CACNA1I: variants seen among roughly 807,000 people sequenced by gnomAD.
CACNA1I encodes the protein voltage-dependent T-type calcium channel subunit alpha-1I.
Under a neutral mutation model 201.6 loss-of-function variants are expected in CACNA1I, and 74 were observed. The observed-to-expected ratio is 0.37, with a 90% CI of 0.30 to 0.45. CACNA1I has a LOEUF of 0.45. Among genes scored for constraint, CACNA1I ranks in the 20% least tolerant of loss-of-function variants. The pLI, the probability that CACNA1I is intolerant of heterozygous loss-of-function variation, is 1.00. For synonymous variants in CACNA1I, 1,431 were observed against 1,345.2 expected (o/e 1.06, Z -1.40); for missense variants, 2,346 against 3,138.1 (o/e 0.75, Z 6.03).
intron 1 of CACNA1I, among the ~76,000 whole-genome samples, chr22:39,571,406 G>GGCAGGA (rs78645897): frequency 0.26 from 40,208 of 151,946 alleles, 6,765 homozygotes; most frequent in East Asian, 0.72. Flanking sequence ...CAACACACAG[G>GGCAGGA]GCAGGACTCA....
chr22:39,640,845 AC>A (rs1164530126), intron 5 of CACNA1I, 21 bp from the exon 6 acceptor site: 1 of 1,587,644 alleles, frequency 6.3e-7, no homozygotes, highest in Non-Finnish European at 8.6e-7. Context: ...TCCCTCTTTT[AC>A]CCACCCTCGC....
In CACNA1I at chr22:39,659,419, C is replaced by T; in HGVS notation, c.2331-14C>T. ...GCATGTGAGTCCGATGAGCCTCTTCCATCCTTTCCCCAGCATCCTTGGGAT... is the reference window on the plus strand; with the variant it reads ...GCATGTGAGTCCGATGAGCCTCTTCTATCCTTTCCCCAGCATCCTTGGGAT... On this transcript the variant is annotated splice_polypyrimidine_tract_variant and intron_variant, in intron 12 of 36. Transcript: ENST00000402142. The surrounding 1 kb of genome is among the most constrained non-coding windows in gnomAD (Gnocchi z 4.3). The T allele has an allele frequency of 6.6e-7, 1 of 1,516,110 alleles. No homozygotes were observed. The highest frequency in any genetic ancestry group is 1.2e-5 in the South Asian group (1 of 83,646). The allele number at this position is 1,516,110 out of a possible 1,614,324, so 93.9% of individuals were successfully genotyped here. A position where few individuals can be genotyped will look rare whatever the true frequency, so the allele number is the denominator to read the frequency against.
At chr22:39,672,696 C>T (rs947127510) in intron 27 of CACNA1I, among the ~76,000 whole-genome samples, 1 of 152,168 alleles carries the variant, frequency 6.6e-6, no homozygotes, top group African/African-American at 2.4e-5. Context: ...GTCCATGCCT[C>T]CTCTCCTGCA....
In CACNA1I at chr22:39,664,084, C is replaced by T; in HGVS notation, c.3598-7C>T. On this transcript the variant is annotated splice_polypyrimidine_tract_variant and splice_region_variant and intron_variant, in intron 19 of 36. Transcript: ENST00000402142. ...CCTGAGCCTATGGTATCTCCCGATGCTTTCAGGAACGCATCTTTCTCACCG... is the reference window on the plus strand; with the variant it reads ...CCTGAGCCTATGGTATCTCCCGATGTTTTCAGGAACGCATCTTTCTCACCG... The T allele has an allele frequency of 6.2e-7, 1 of 1,613,314 alleles. No individual in the cohort carries two copies. Among genetic ancestry groups the T allele is most frequent in the South Asian group, 1.1e-5 (1 of 90,992 alleles).
rs1555906963 is a variant in CACNA1I at position 39,629,532 on chromosome 22, C to CCAGGCAG, written c.581-5033_581-5032insCAGGCAG. 4.0e-5 allele frequency among the ~76,000 whole-genome samples: 6 copies of CCAGGCAG among 150,976 alleles called. No individual in the cohort carries two copies. In the East Asian group the frequency reaches 8.0e-4, roughly 20 times the overall value. On this transcript the variant is annotated intron_variant, in intron 4 of 36. Transcript: ENST00000402142. The surrounding 1 kb of genome is among the most constrained non-coding windows in gnomAD (Gnocchi z 4.8). ...GTTTATCACAATGATGAATGTATGA[C>CCAGGCAG]GGCCAGGCAGGGCCAGGCAGGACGG...
chr22:39,662,729 A>G (rs1482438796), intron 17 of CACNA1I, 47 bp from the exon 18 acceptor site: 1 of 1,355,946 alleles, frequency 7.4e-7, no homozygotes, highest in South Asian at 1.2e-5. Context: ...GGAGACCGGC[A>G]ACCCTGCGCA....
At chr22:39,655,892 G>A (rs1934801012) in intron 10 of CACNA1I, among the ~76,000 whole-genome samples, 2 of 152,208 alleles carry the variant, frequency 1.3e-5, no homozygotes, top group African/African-American at 4.8e-5. Flanking sequence ...GATGGCAGTG[G>A]CTCCCTGCAT....
Position 39,659,536 on chromosome 22 carries a change from G to A in CACNA1I, c.2434G>A (p.Val812Ile), listed in dbSNP as rs748634146. The change falls in exon 13 of 37, where the codon GTC becomes ATC. Residue 812 changes from valine to isoleucine, a missense_variant. Val to Ile is a conservative substitution (Grantham distance 29). This residue lies in a region of CACNA1I where 155 missense variants were observed against 300.8 expected (regional missense o/e 0.52). Coordinates refer to ENST00000402142, the MANE Select transcript of CACNA1I (RefSeq NM_021096.4). The surrounding 1 kb of genome is among the most constrained non-coding windows in gnomAD (Gnocchi z 4.3). Reference protein sequence around the residue: ...KNFDSLLWAIVTVFQILTQED... With the variant: ...KNFDSLLWAIITVFQILTQED... ...CTTCGACTCCCTGCTGTGGGCCATC[G>A]TCACTGTGTTCCAGGTGAGTGGCCG... is the stretch of plus-strand genomic sequence containing the variant. 34 of 1,605,676 alleles carry A rather than the reference G, an allele frequency of 2.1e-5. No individual in the cohort carries two copies. The highest frequency in any genetic ancestry group is 3.3e-5 in the South Asian group (3 of 90,158).
At chr22:39,622,945 G>GGCACCGCCACCTTCCAGAGGTGTGT (rs1933790649) in intron 4 of CACNA1I, among the ~76,000 whole-genome samples, 1 of 152,234 alleles carries the variant, frequency 6.6e-6, no homozygotes, top group African/African-American at 2.4e-5. Flanking sequence ...GGAGCCCACA[G>GGCACCGCCACCTTCCAGAGGTGTGT]GCACCGCCAC....
rs1839584366 is a variant in CACNA1I at position 39,662,635 on chromosome 22, G to A, written c.3373-141G>A. Reference sequence around the variant, plus strand: ...ACCTGAGCTGGGCCGGCTCCTGGGAGAGAAGCCCTCCCTGGCTGCCCCCGG... The same window carrying A: ...ACCTGAGCTGGGCCGGCTCCTGGGAAAGAAGCCCTCCCTGGCTGCCCCCGG... On this transcript the variant is annotated intron_variant, in intron 17 of 36. Coordinates refer to ENST00000402142, the MANE Select transcript of CACNA1I (RefSeq NM_021096.4). The A allele has an allele frequency of 1.8e-5, 13 of 717,240 alleles. No homozygotes were observed. The South Asian group carries it at 2.2e-4, about 12-fold the overall frequency. 44.4% of individuals were successfully genotyped at this position (717,240 alleles called of 1,614,324 possible). A position where few individuals can be genotyped will look rare whatever the true frequency, so the allele number is the denominator to read the frequency against.
intron 1 of CACNA1I, among the ~76,000 whole-genome samples, chr22:39,592,986 T>C (rs992936206): frequency 2.0e-5 from 3 of 152,216 alleles, no homozygotes; most frequent in African/African-American, 4.8e-5. Context: ...TGGCCTGACT[T>C]CTAAGCCTCC....
In CACNA1I at chr22:39,659,184, G is replaced by A; in HGVS notation, c.2330+68G>A. 5.1e-6 allele frequency: 8 copies of A among 1,572,776 alleles called. No homozygotes were observed. Among genetic ancestry groups the A allele is most frequent in the South Asian group, 1.1e-5 (1 of 87,546 alleles). On this transcript the variant is annotated intron_variant, in intron 12 of 36. Transcript: ENST00000402142. The surrounding 1 kb of genome is among the most constrained non-coding windows in gnomAD (Gnocchi z 4.3). ...GGCTGTGGGCGGGAGCCTGGGGGAT[G>A]TGGTCCACTGTGCTTCTCTGGACAA... is the stretch of plus-strand genomic sequence containing the variant.
chr22:39,685,913 C>G lies in CACNA1I; in HGVS notation c.6180C>G (p.Ser2060=). The change falls in exon 37 of 37, where the codon TCC becomes TCG. Residue 2060 remains serine, a synonymous_variant. Transcript: ENST00000402142. This position sits in a 1 kb window ranked among gnomAD's most constrained non-coding sequence, Gnocchi z 5.0. ...CTCCAGGACCCCGGGCCGGCCTGTC[C>G]CCCGCCGCTCGCCGCCGCCTGAGCC... is the stretch of plus-strand genomic sequence containing the variant. ...APAPGPRAGL[S]PAARRRLSLR... 7.5e-7 allele frequency: 1 copy of G among 1,327,622 alleles called. No homozygotes were observed. Among genetic ancestry groups the G allele is most frequent in the Non-Finnish European group, 9.5e-7 (1 of 1,049,516 alleles). 82.2% of individuals were successfully genotyped at this position (1,327,622 alleles called of 1,614,324 possible). A position where few individuals can be genotyped will look rare whatever the true frequency, so the allele number is the denominator to read the frequency against.
At chr22:39,572,037 G>A (rs1323718982) in intron 1 of CACNA1I, among the ~76,000 whole-genome samples, 1 of 152,216 alleles carries the variant, frequency 6.6e-6, no homozygotes, top group Non-Finnish European at 1.5e-5. Flanking sequence ...GGGAGGAGTT[G>A]CAGGCAGTGT....
At position 39,574,558 on chromosome 22, in the gene CACNA1I, G is replaced by T. The variant is rs115010445; in HGVS notation, c.236+3570G>T. 8.9e-4 allele frequency among the ~76,000 whole-genome samples: 136 copies of T among 152,280 alleles called. 1 individual carries two copies. Among genetic ancestry groups the T allele is most frequent in the African/African-American group, 3.2e-3 (134 of 41,558 alleles). ...GAAACTTCACTCCCTCTTGTGCTCT[G>T]TGGGAGGGGGCCTGGGGCAGTGCTT... On this transcript the variant is annotated intron_variant, in intron 1 of 36. Transcript: ENST00000402142.
chr22:39,602,410 T>C (rs1933095020), intron 3 of CACNA1I, among the ~76,000 whole-genome samples: 1 of 152,078 alleles, frequency 6.6e-6, no homozygotes. Flanking sequence ...TATTCAGTTT[T>C]ACAAACACAT....
chr22:39,630,884 G>T (rs1055766479), intron 4 of CACNA1I, among the ~76,000 whole-genome samples: 2 of 152,172 alleles, frequency 1.3e-5, no homozygotes, highest in African/African-American at 4.8e-5. Context: ...AGGAGGTGTC[G>T]TGGGTGGGGG....
At chr22:39,603,019 G>C (rs1190440883) in intron 3 of CACNA1I, among the ~76,000 whole-genome samples, 1 of 152,090 alleles carries the variant, frequency 6.6e-6, no homozygotes, top group Admixed American at 6.6e-5. Flanking sequence ...GGTGTTTGTG[G>C]TGCACTCCTG....
chr22:39,588,402 T>C (rs1932783934), intron 1 of CACNA1I, among the ~76,000 whole-genome samples: 1 of 144,050 alleles, frequency 6.9e-6, no homozygotes, highest in Non-Finnish European at 1.5e-5. Context: ...TTTTTTTTTT[T>C]TGAGGCAGAG....
Sources: gnomAD v4.1 joint callset for allele counts (sites outside exome capture counted in the v4.1 genomes callset) on GRCh38, gnomAD v4.1.1 for gene constraint, gnomAD v4.1.1 regional missense constraint, Gnocchi (gnomAD v3.1) non-coding constraint, MANE v1.5 for transcripts, NCBI Gene and HGNC (gene_info 2026-07-23, HGNC 2026-07-21) for gene names.